The following RAD51B variants were observed in gnomAD, a reference collection of about 807,000 sequenced individuals.
RAD51B encodes the protein RAD51 paralog B.
Under a neutral mutation model 42.2 loss-of-function variants are expected in RAD51B, and 38 were observed. The observed-to-expected ratio is 0.90, with a 90% CI of 0.70 to 1.18. RAD51B has a LOEUF of 1.18. Ranked by LOEUF, RAD51B falls within the 50% of genes most tolerant of loss-of-function variation. The pLI, the probability that RAD51B is intolerant of heterozygous loss-of-function variation, is 0.00. For missense variants in RAD51B, 373 were observed against 400.7 expected (o/e 0.93, Z 0.59); for synonymous variants, 154 against 145.2 (o/e 1.06, Z -0.43).
chr14:68,265,404 G>A (rs1165397757), intron 7 of RAD51B, among the ~76,000 whole-genome samples: 1 of 152,160 alleles, frequency 6.6e-6, no homozygotes, highest in Non-Finnish European at 1.5e-5. Flanking sequence ...AATGGGACAT[G>A]GTTCTTGTTT....
At chr14:68,336,518 G>A (rs550436329) in intron 8 of RAD51B, among the ~76,000 whole-genome samples, 1 of 152,188 alleles carries the variant, frequency 6.6e-6, no homozygotes, top group East Asian at 1.9e-4. Context: ...GTCCCTGGGG[G>A]TGTTACTGTC....
At chr14:67,974,570 C>T (rs17104827) in intron 7 of RAD51B, among the ~76,000 whole-genome samples, 10,782 of 151,908 alleles carry the variant, frequency 0.071, 939 homozygotes, top group African/African-American at 0.21. Context: ...TTTCTTTTGT[C>T]ATAAGGAGGG....
At chr14:67,974,805 A>G (rs1383044941) in intron 7 of RAD51B, among the ~76,000 whole-genome samples, 2 of 152,176 alleles carry the variant, frequency 1.3e-5, no homozygotes, top group Admixed American at 6.5e-5. Flanking sequence ...CAATTATGAT[A>G]TGTATTTTCT....
chr14:68,135,797 T>C (rs2077995240), intron 7 of RAD51B, among the ~76,000 whole-genome samples: 1 of 152,148 alleles, frequency 6.6e-6, no homozygotes, highest in African/African-American at 2.4e-5. Context: ...AGGAGAGAAA[T>C]CCTCATACTT....
intron 10 of RAD51B, among the ~76,000 whole-genome samples, chr14:68,511,877 A>AATTCATTC (rs58039012): frequency 7.9e-5 from 12 of 152,144 alleles, no homozygotes; most frequent in Middle Eastern, 3.4e-3. Flanking sequence ...TTGATATTGT[A>AATTCATTC]ATTCATTCAT....
At chr14:68,326,027 C>CTTTTTT (rs1156621815) in intron 8 of RAD51B, among the ~76,000 whole-genome samples, 2 of 51,630 alleles carry the variant, frequency 3.9e-5, no homozygotes, top group East Asian at 5.1e-4. Flanking sequence ...TGTTGTTATT[C>CTTTTTT]TTTTTCTTTT....
intron 8 of RAD51B, among the ~76,000 whole-genome samples, chr14:68,404,979 C>CA (rs1442640134): frequency 6.6e-6 from 1 of 152,164 alleles, no homozygotes; most frequent in Non-Finnish European, 1.5e-5. Flanking sequence ...ACATGAGAGA[C>CA]ATGATAAGCC....
intron 7 of RAD51B, among the ~76,000 whole-genome samples, chr14:68,054,976 G>T (rs563891303): frequency 3.9e-5 from 6 of 152,208 alleles, no homozygotes; most frequent in African/African-American, 1.4e-4. Flanking sequence ...TTGGTGTGTG[G>T]GGGGAAAATC....
At chr14:68,324,398 C>G (rs1248831292) in intron 8 of RAD51B, among the ~76,000 whole-genome samples, 1 of 152,146 alleles carries the variant, frequency 6.6e-6, no homozygotes, top group East Asian at 1.9e-4. Flanking sequence ...AGTAGTTTGT[C>G]TTTCCCAATA....
chr14:68,362,061 G>A (rs1425552918), intron 8 of RAD51B, among the ~76,000 whole-genome samples: 1 of 151,964 alleles, frequency 6.6e-6, no homozygotes, highest in Admixed American at 6.5e-5. Flanking sequence ...GCTGAATATC[G>A]GCCACAGCAT....
chr14:68,503,700 G>A (rs760838990), intron 10 of RAD51B, among the ~76,000 whole-genome samples: 3 of 152,168 alleles, frequency 2.0e-5, no homozygotes, highest in Non-Finnish European at 2.9e-5. Flanking sequence ...GCCTTTCAGG[G>A]CTAAGAAGAT....
chr14:67,859,873 T>C (rs1190857217), intron 4 of RAD51B, among the ~76,000 whole-genome samples: 1 of 151,938 alleles, frequency 6.6e-6, no homozygotes, highest in Non-Finnish European at 1.5e-5. Context: ...CAGGCTGGAG[T>C]GCAATGACGC....
chr14:68,204,635 G>C (rs1469645075), intron 7 of RAD51B, among the ~76,000 whole-genome samples: 1 of 152,192 alleles, frequency 6.6e-6, no homozygotes, highest in Non-Finnish European at 1.5e-5. Flanking sequence ...ATAAAGTGGA[G>C]TACAATAAAG....
At chr14:68,079,430 T>G (rs1440893222) in intron 7 of RAD51B, among the ~76,000 whole-genome samples, 2 of 152,220 alleles carry the variant, frequency 1.3e-5, no homozygotes, top group African/African-American at 4.8e-5. Flanking sequence ...CCCAGAGATC[T>G]TAAGCTCTAC....
At position 68,497,114 on chromosome 14, in the gene RAD51B, C is replaced by A. The variant is rs757101343; in HGVS notation, c.1036+28864C>A. On this transcript the variant is annotated intron_variant, in intron 10 of 10. Transcript: ENST00000487270. ...GTATCTTGACACTCATGTTCTTTTT[C>A]TTCTTGCAGCCTATGGAAATTCCTA... The A allele has an allele frequency of 5.1e-6, 7 of 1,384,274 alleles. No homozygotes were observed. In the South Asian group the frequency reaches 8.3e-5, roughly 16 times the overall value. 85.7% of individuals were successfully genotyped at this position (1,384,274 alleles called of 1,614,324 possible).
intron 7 of RAD51B, among the ~76,000 whole-genome samples, chr14:68,003,136 G>A (rs1241919926): frequency 6.6e-6 from 1 of 152,144 alleles, no homozygotes; most frequent in Non-Finnish European, 1.5e-5. Flanking sequence ...TCATTTACAT[G>A]ATATTGATTC....
At chr14:67,996,412 T>C (rs1213020414) in intron 7 of RAD51B, among the ~76,000 whole-genome samples, 1 of 147,378 alleles carries the variant, frequency 6.8e-6, no homozygotes, top group African/African-American at 2.5e-5. Context: ...ATAACAACAA[T>C]AATAAATAAA....
At chr14:68,291,573 T>C (rs896632797) in intron 7 of RAD51B, among the ~76,000 whole-genome samples, 4 of 152,232 alleles carry the variant, frequency 2.6e-5, no homozygotes, top group Non-Finnish European at 4.4e-5. Context: ...CTGCCTATTA[T>C]TTAACCAATA....
At chr14:68,087,002 G>A (rs1190690911) in intron 7 of RAD51B, among the ~76,000 whole-genome samples, 2 of 151,970 alleles carry the variant, frequency 1.3e-5, no homozygotes, top group South Asian at 2.1e-4. Flanking sequence ...GGGTGTGGTG[G>A]TGCATGCCTG....
Sources: allele counts gnomAD v4.1 joint callset (sites outside exome capture counted in the v4.1 genomes callset), GRCh38; gene constraint gnomAD v4.1.1; transcripts MANE v1.5; gene names NCBI Gene and HGNC (gene_info 2026-07-23, HGNC 2026-07-21).